The following PAXBP1 variants were observed in gnomAD, a reference collection of about 807,000 sequenced individuals.
PAXBP1 encodes PAX3 and PAX7 binding protein 1, also known as PAX3- and PAX7-binding protein 1.
In PAXBP1, 44 loss-of-function variants were observed where a neutral mutation model predicts 119.9. The observed-to-expected ratio is 0.37, with a 90% CI of 0.29 to 0.47. The LOEUF is 0.47. PAXBP1 is among the 20% of genes least tolerant of loss of function. PAXBP1 has a pLI of 0.99. For missense variants in PAXBP1, 898 were observed against 1,134.1 expected, an observed-to-expected ratio of 0.79 and a Z score of 2.99; for synonymous variants, 393 against 406.6, an observed-to-expected ratio of 0.97 and a Z score of 0.40.
Position 32,744,803 on chromosome 21 carries a change from T to C in PAXBP1, c.2179A>G (p.Lys727Glu). The C allele has an allele frequency of 6.3e-7, 1 of 1,581,574 alleles. No individual in the cohort carries two copies. ...GYPSVVNAEN[K>E]NTQVYLKALL... ...AGATACTAAATTACCTGTGTATTTT[T>C]ATTTTCTGCATTCACTACTGAAGGA... The change falls in exon 13 of 18, where the codon AAA becomes GAA. Residue 727 changes from lysine (K) to glutamate (E), a missense_variant. By Grantham distance (56) the Lys-to-Glu change is moderately conservative (BLOSUM62 1). Transcript: ENST00000331923.
intron 5 of PAXBP1, among the ~76,000 whole-genome samples, 151 bp downstream of exon 5, chr21:32,760,898 CGTGCGTGTGT>C (rs1021355160): frequency 4.8e-4 from 58 of 121,596 alleles, no homozygotes; most frequent in African/African-American, 8.1e-4. Flanking sequence ...TGTGTGCGTG[CGTGCGTGTGT>C]GTGTGTGTGT....
At chr21:32,736,816 A>G (rs1444413017) in intron 17 of PAXBP1, among the ~76,000 whole-genome samples, 20 of 152,168 alleles carry the variant, frequency 1.3e-4, no homozygotes, top group Admixed American at 1.3e-3. Flanking sequence ...TTTTCTTACA[A>G]CCCTTGATAA....
intron 10 of PAXBP1, among the ~76,000 whole-genome samples, chr21:32,750,069 A>C (rs1664558511): frequency 6.6e-6 from 1 of 152,078 alleles, no homozygotes; most frequent in Non-Finnish European, 1.5e-5. Flanking sequence ...CTGTTTTCTT[A>C]TTGTGCTAAA....
Position 32,771,093 on chromosome 21 carries a change from G to A in PAXBP1, c.343+233C>T, listed in dbSNP as rs966941968. 2.0e-5 allele frequency among the ~76,000 whole-genome samples: 3 copies of A among 152,362 alleles called. No homozygotes were observed. The South Asian group carries it at 6.2e-4, about 32-fold the overall frequency. On this transcript the variant is annotated intron_variant, in intron 1 of 17. Coordinates refer to ENST00000331923, the MANE Select transcript of PAXBP1 (RefSeq NM_016631.4). ...CTGAAACACTCTGAATGCCTGATCTGAGCTCCGGCCCCGTGGCAGAGGAGG... is the reference window on the plus strand; with the variant it reads ...CTGAAACACTCTGAATGCCTGATCTAAGCTCCGGCCCCGTGGCAGAGGAGG...
At position 32,764,433 on chromosome 21, in the gene PAXBP1, A is replaced by G. The variant is rs756252770; in HGVS notation, c.564T>C (p.Asp188=). Residue 188 remains aspartate (D), a synonymous_variant, in exon 3 of 18, where the codon GAT becomes GAC. Coordinates refer to ENST00000331923, the MANE Select transcript of PAXBP1 (RefSeq NM_016631.4). ...TTTCTTCCTCTTTTTCACTTTCCAT[A>G]TCCATTTCATCTTCACCATGTTCAC... ...IISEHGEDEM[D]MESEKEEEKP... is the part of the protein sequence containing the mutation. 11 of 1,613,638 alleles carry G rather than the reference A, an allele frequency of 6.8e-6. No individual in the cohort carries two copies. The highest frequency in any genetic ancestry group is 3.3e-4 in the Middle Eastern group (2 of 6,080).
intron 15 of PAXBP1, among the ~76,000 whole-genome samples, chr21:32,741,070 A>G (rs537169868): frequency 6.6e-6 from 1 of 152,348 alleles, no homozygotes; most frequent in African/African-American, 2.4e-5. Context: ...CAAAACACTG[A>G]CAACAGCAAG....
At chr21:32,749,338 G>A (rs979776523) in intron 10 of PAXBP1, among the ~76,000 whole-genome samples, 3 of 151,988 alleles carry the variant, frequency 2.0e-5, no homozygotes, top group African/African-American at 7.3e-5. Flanking sequence ...GGGATTACAG[G>A]TATGCGCCAC....
At chr21:32,769,435 A>T (rs920660922) in intron 2 of PAXBP1, among the ~76,000 whole-genome samples, 2 of 152,180 alleles carry the variant, frequency 1.3e-5, no homozygotes, top group African/African-American at 4.8e-5. Context: ...AAATACCACC[A>T]AAGAAATCGC....
chr21:32,760,902 C>CGTGCGTGTGTGT lies in PAXBP1; in HGVS notation c.975+156_975+157insACACACACGCAC, dbSNP rs1491165069. ...CTACGTGTCTCTGTGTGCGTGCGTG[C>CGTGCGTGTGTGT]GTGTGTGTGTGTGTGTGTGTGTGTG... On this transcript the variant is annotated intron_variant, in intron 5 of 17. Coordinates refer to ENST00000331923, the MANE Select transcript of PAXBP1 (RefSeq NM_016631.4). 3.7e-3 allele frequency among the ~76,000 whole-genome samples: 469 copies of CGTGCGTGTGTGT among 127,778 alleles called. 1 individual carries two copies. Among genetic ancestry groups the CGTGCGTGTGTGT allele is most frequent in the East Asian group, 5.8e-3 (22 of 3,806 alleles). The allele number at this position is 127,778 out of a possible 152,430, so 83.8% of individuals were successfully genotyped here.
At chr21:32,762,338 T>G in intron 3 of PAXBP1, 21 bp from the exon 4 acceptor site, 1 of 1,603,642 alleles carries the variant, frequency 6.2e-7, no homozygotes, top group Non-Finnish European at 8.5e-7. Flanking sequence ...ATGGTAAGAA[T>G]ATGGCAGTAT....
chr21:32,769,998 CT>C lies in PAXBP1; in HGVS notation c.344-57del. The C allele has an allele frequency of 4.5e-6, 6 of 1,338,370 alleles. No individual in the cohort carries two copies. The South Asian group carries it at 8.3e-5, about 19-fold the overall frequency. 82.9% of individuals were successfully genotyped at this position (1,338,370 alleles called of 1,614,324 possible). ...CAACTATTTTCTGAAAATATTTTCC[CT>C]TCTTTCACATGATCTTACGTGCTGT... is the stretch of plus-strand genomic sequence containing the variant. On this transcript the variant is annotated intron_variant, in intron 1 of 17. Coordinates refer to ENST00000331923, the MANE Select transcript of PAXBP1 (RefSeq NM_016631.4).
intron 2 of PAXBP1, among the ~76,000 whole-genome samples, chr21:32,768,557 G>C (rs544355721): frequency 6.6e-6 from 1 of 152,264 alleles, no homozygotes; most frequent in Non-Finnish European, 1.5e-5. Flanking sequence ...TACTAAATCA[G>C]TAGAAGCCTT....
intron 7 of PAXBP1, 102 bp downstream of exon 7, chr21:32,758,978 T>G: frequency 8.7e-7 from 1 of 1,146,592 alleles, no homozygotes; most frequent in Non-Finnish European, 1.2e-6. Context: ...AATGTTGAGT[T>G]CAGTGGGTAC....
At chr21:32,741,758 T>C (rs1450037526) in intron 15 of PAXBP1, 1 of 480,356 alleles carries the variant, frequency 2.1e-6, no homozygotes, top group African/African-American at 2.0e-5. Flanking sequence ...ATGACCCGCC[T>C]GGGGCAACAG....
At chr21:32,765,699 T>G (rs1214254407) in intron 2 of PAXBP1, among the ~76,000 whole-genome samples, 1 of 151,214 alleles carries the variant, frequency 6.6e-6, no homozygotes, top group African/African-American at 2.4e-5. Flanking sequence ...TCTTTTAGGC[T>G]CTTTCATTTT....
At chr21:32,750,789 TG>T in intron 10 of PAXBP1, 127 bp downstream of exon 10, 1 of 666,270 alleles carries the variant, frequency 1.5e-6, no homozygotes, top group East Asian at 2.8e-5. Context: ...TGCAAATTTC[TG>T]CAATTAAAAA....
At chr21:32,765,285 A>C (rs1228465233) in intron 2 of PAXBP1, among the ~76,000 whole-genome samples, 2 of 152,210 alleles carry the variant, frequency 1.3e-5, no homozygotes, top group African/African-American at 2.4e-5. Context: ...CCTAATTCTC[A>C]GTTCTAATCC....
At chr21:32,767,658 C>G (rs546411609) in intron 2 of PAXBP1, among the ~76,000 whole-genome samples, 3 of 152,326 alleles carry the variant, frequency 2.0e-5, no homozygotes, top group Non-Finnish European at 4.4e-5. Context: ...ATGGGTTTAT[C>G]AGGGGTTTCC....
Position 32,745,546 on chromosome 21 carries a change from T to C in PAXBP1, c.2068+28A>G, listed in dbSNP as rs146284160. ...ATTTGAGAAAGCCAGTGTGTCTGAA[T>C]GCTCAATTCAGAGAACAGGAGATTT... is the stretch of plus-strand genomic sequence containing the variant. On this transcript the variant is annotated intron_variant, in intron 12 of 17. Transcript: ENST00000331923. 146 of 1,612,484 alleles carry C rather than the reference T, an allele frequency of 9.1e-5. 1 individual carries two copies. The African/African-American group carries it at 1.4e-3, about 16-fold the overall frequency.
Sources: gnomAD v4.1 joint callset for allele counts (sites outside exome capture counted in the v4.1 genomes callset) on GRCh38, gnomAD v4.1.1 for gene constraint, MANE v1.5 for transcripts, NCBI Gene and HGNC (gene_info 2026-07-23, HGNC 2026-07-21) for gene names.